The following DPYD variants were observed in gnomAD, a reference collection of about 807,000 sequenced individuals.
The protein encoded by DPYD is dihydropyrimidine dehydrogenase.
DPYD carries 109 observed loss-of-function variants against 116.2 expected under a neutral mutation model. The observed-to-expected ratio is 0.94, with a 90% CI of 0.80 to 1.10. The LOEUF (loss-of-function observed/expected upper bound fraction) is 1.10, where lower values mean the gene tolerates loss of function less well. Among genes scored for constraint, DPYD ranks in the 50% least tolerant of loss-of-function variants. DPYD has a pLI of 0.00. For synonymous variants in DPYD, 440 were observed against 432.0 expected, an observed-to-expected ratio of 1.02 and a Z score of -0.23; for missense variants, 1,302 against 1,254.5, an observed-to-expected ratio of 1.04 and a Z score of -0.57.
chr1:97,213,246 A>G (rs1027912460), intron 19 of DPYD, among the ~76,000 whole-genome samples: 4 of 152,278 alleles, frequency 2.6e-5, no homozygotes, highest in African/African-American at 7.2e-5. Flanking sequence ...TCAATCTATA[A>G]CAATAACTAT....
At chr1:97,304,850 C>A (rs1197688924) in intron 18 of DPYD, among the ~76,000 whole-genome samples, 3 of 151,814 alleles carry the variant, frequency 2.0e-5, no homozygotes, top group Non-Finnish European at 2.9e-5. Context: ...ACAGTTGGGA[C>A]AAGGTTTTTG....
intron 12 of DPYD, among the ~76,000 whole-genome samples, chr1:97,544,360 A>C (rs1017198007): frequency 4.6e-5 from 7 of 152,158 alleles, no homozygotes. Context: ...CCTACCTTCC[A>C]TCTCTACTCC....
intron 16 of DPYD, among the ~76,000 whole-genome samples, chr1:97,317,297 A>T (rs1026909151): frequency 5.3e-5 from 8 of 152,010 alleles, no homozygotes; most frequent in African/African-American, 1.9e-4. Flanking sequence ...CATTTTCCTG[A>T]TACCACCAGT....
intron 3 of DPYD, among the ~76,000 whole-genome samples, chr1:97,768,692 G>A (rs1665995541): frequency 6.6e-6 from 1 of 152,068 alleles, no homozygotes; most frequent in East Asian, 1.9e-4. Flanking sequence ...TTTTGCTGTG[G>A]CTAAAAACTG....
At chr1:97,903,290 G>A (rs1288136488) in intron 1 of DPYD, among the ~76,000 whole-genome samples, 1 of 151,808 alleles carries the variant, frequency 6.6e-6, no homozygotes, top group Non-Finnish European at 1.5e-5. Flanking sequence ...TTTAAAATTT[G>A]TTTTACTGAA....
chr1:97,552,694 A>G (rs1651411282), intron 11 of DPYD, among the ~76,000 whole-genome samples: 1 of 152,062 alleles, frequency 6.6e-6, no homozygotes, highest in African/African-American at 2.4e-5. Context: ...TATCATTTGT[A>G]ATATCCAGCT....
chr1:97,787,676 T>G (rs1236797493), intron 3 of DPYD, among the ~76,000 whole-genome samples: 1 of 152,232 alleles, frequency 6.6e-6, no homozygotes, highest in East Asian at 1.9e-4. Context: ...AGGGAAATTC[T>G]GAACAAACAG....
chr1:97,203,624 A>AT (rs930097172), intron 19 of DPYD, among the ~76,000 whole-genome samples: 3 of 146,694 alleles, frequency 2.0e-5, no homozygotes, highest in Admixed American at 6.8e-5. Flanking sequence ...TTAAAGTATA[A>AT]TAAAAAAAAT....
chr1:97,751,025 A>C (rs1664847907), intron 3 of DPYD, among the ~76,000 whole-genome samples: 1 of 152,158 alleles, frequency 6.6e-6, no homozygotes, highest in Non-Finnish European at 1.5e-5. Context: ...CATTAAGCTG[A>C]AACAATAGTG....
At chr1:97,455,388 T>C (rs533792728) in intron 13 of DPYD, among the ~76,000 whole-genome samples, 1 of 152,070 alleles carries the variant, frequency 6.6e-6, no homozygotes, top group African/African-American at 2.4e-5. Flanking sequence ...GCTGTAAATA[T>C]TTTGTCAAAA....
At chr1:97,733,466 T>C (rs1663749571) in intron 4 of DPYD, among the ~76,000 whole-genome samples, 1 of 152,118 alleles carries the variant, frequency 6.6e-6, no homozygotes, top group African/African-American at 2.4e-5. Context: ...AGTAGTGTCA[T>C]ACTATTCACA....
intron 12 of DPYD, among the ~76,000 whole-genome samples, chr1:97,530,152 C>A (rs2102020220): frequency 6.7e-6 from 1 of 149,486 alleles, no homozygotes; most frequent in African/African-American, 2.5e-5. Context: ...AGTACAATTT[C>A]TTTCTTTTTT....
At chr1:97,267,907 A>G (rs1664336410) in intron 18 of DPYD, among the ~76,000 whole-genome samples, 1 of 152,140 alleles carries the variant, frequency 6.6e-6, no homozygotes, top group East Asian at 1.9e-4. Context: ...CCAGAGTGTC[A>G]TGAAAGTCAG....
At chr1:97,221,819 T>C (rs1660800497) in intron 19 of DPYD, among the ~76,000 whole-genome samples, 1 of 152,066 alleles carries the variant, frequency 6.6e-6, no homozygotes, top group South Asian at 2.1e-4. Context: ...GATACCTAAT[T>C]CACTCAACAA....
At chr1:97,524,483 T>C (rs2102000745) in intron 12 of DPYD, among the ~76,000 whole-genome samples, 1 of 152,280 alleles carries the variant, frequency 6.6e-6, no homozygotes, top group Non-Finnish European at 1.5e-5. Flanking sequence ...GGGCTTGTGG[T>C]AAAGTGTAGA....
chr1:97,571,361 C>A (rs770905535), intron 11 of DPYD, among the ~76,000 whole-genome samples: 1 of 151,998 alleles, frequency 6.6e-6, no homozygotes, highest in African/African-American at 2.4e-5. Flanking sequence ...TGTATTACTA[C>A]GCTTTTTTTT....
At chr1:97,461,750 A>T (rs1239678625) in intron 13 of DPYD, among the ~76,000 whole-genome samples, 1 of 152,254 alleles carries the variant, frequency 6.6e-6, no homozygotes, top group Non-Finnish European at 1.5e-5. Context: ...TGCTTGTATT[A>T]TAATTACAAA....
intron 16 of DPYD, among the ~76,000 whole-genome samples, chr1:97,366,276 A>AT (rs551554703): frequency 2.5e-3 from 381 of 152,184 alleles, no homozygotes; most frequent in Non-Finnish European, 4.6e-3. Context: ...TATAAAGCAG[A>AT]TTTTTTTTGA....
At chr1:97,206,687 T>TATATAAAA (rs539927395) in intron 19 of DPYD, among the ~76,000 whole-genome samples, 3 of 71,582 alleles carry the variant, frequency 4.2e-5, no homozygotes, top group Admixed American at 1.8e-4. Flanking sequence ...TATATATATA[T>TATATAAAA]AATCTATATG....
Sources: gnomAD v4.1 joint callset for allele counts (sites outside exome capture counted in the v4.1 genomes callset) on GRCh38, gnomAD v4.1.1 for gene constraint, MANE v1.5 for transcripts, NCBI Gene and HGNC (gene_info 2026-07-23, HGNC 2026-07-21) for gene names.